Variants in PTPRN2 observed in about 807,000 individuals in gnomAD.
PTPRN2 encodes the protein protein tyrosine phosphatase receptor type N2.
In PTPRN2, 74 loss-of-function variants were observed where a neutral mutation model predicts 118.8. The ratio of observed to expected loss-of-function variants is 0.62; its 90% CI spans 0.52 to 0.76. The LOEUF is 0.76. Ranked by LOEUF, PTPRN2 falls within the 30% of genes least tolerant of loss-of-function variation. PTPRN2 has a pLI of 0.00. For synonymous variants in PTPRN2, 641 were observed against 608.0 expected (o/e 1.05, Z -0.80); for missense variants, 1,481 against 1,394.4 (o/e 1.06, Z -0.99).
At chr7:158,503,390 T>C (rs1822514890) in intron 1 of PTPRN2, among the ~76,000 whole-genome samples, 4 of 152,262 alleles carry the variant, frequency 2.6e-5, no homozygotes, top group Non-Finnish European at 1.5e-5. Context: ...AACAGGTCCT[T>C]GATGTCTTCA....
At chr7:158,564,719 C>T (rs1238329997) in intron 1 of PTPRN2, among the ~76,000 whole-genome samples, 1 of 152,228 alleles carries the variant, frequency 6.6e-6, no homozygotes, top group Non-Finnish European at 1.5e-5. Flanking sequence ...TTCACCCACA[C>T]ATGTTTATTT....
intron 3 of PTPRN2, among the ~76,000 whole-genome samples, chr7:158,277,137 G>A (rs1011875810): frequency 5.3e-5 from 8 of 152,186 alleles, no homozygotes; most frequent in Admixed American, 1.3e-4. Flanking sequence ...GCCCGCACAC[G>A]CACACACGCG....
intron 6 of PTPRN2, among the ~76,000 whole-genome samples, chr7:158,161,327 C>A (rs1391145473): frequency 6.6e-6 from 1 of 152,180 alleles, no homozygotes; most frequent in Non-Finnish European, 1.5e-5. Context: ...GCACTACACC[C>A]ATTGTTACGA....
At chr7:158,295,447 C>T (rs1230276242) in intron 3 of PTPRN2, among the ~76,000 whole-genome samples, 2 of 47,926 alleles carry the variant, frequency 4.2e-5, no homozygotes, top group African/African-American at 8.7e-5. Flanking sequence ...GGTTCACCCA[C>T]CTTTCCGAGG....
intron 12 of PTPRN2, among the ~76,000 whole-genome samples, chr7:157,896,465 G>A (rs1797126607): frequency 6.6e-6 from 1 of 151,486 alleles, no homozygotes; most frequent in Admixed American, 6.6e-5. Context: ...GAGCTCCGTT[G>A]TGAGTGGGGA....
At chr7:158,538,667 C>T (rs1825792215) in intron 1 of PTPRN2, among the ~76,000 whole-genome samples, 1 of 152,184 alleles carries the variant, frequency 6.6e-6, no homozygotes, top group South Asian at 2.1e-4. Context: ...CCTCCACTGC[C>T]TTGAGCCCTT....
rs551076263 is a variant in PTPRN2 at position 157,851,603 on chromosome 7, A to G, written c.1788+47070T>C. 4.6e-5 allele frequency among the ~76,000 whole-genome samples: 7 copies of G among 151,776 alleles called. No individual in the cohort carries two copies. The South Asian group carries it at 1.5e-3, about 31-fold the overall frequency. ...TCCCGAGGGAGGGACTGGCCAGGGC[A>G]CACCCGCCAAGGGCACCTTGTGTCC... On this transcript the variant is annotated intron_variant, in intron 12 of 22. Transcript: ENST00000389418.
At chr7:157,958,848 A>C (rs921154257) in intron 11 of PTPRN2, among the ~76,000 whole-genome samples, 13 of 152,250 alleles carry the variant, frequency 8.5e-5, no homozygotes, top group Non-Finnish European at 1.5e-4. Flanking sequence ...TACAGATTCA[A>C]CATAATCTCT....
chr7:157,982,744 G>T (rs1803385242), intron 11 of PTPRN2, among the ~76,000 whole-genome samples: 1 of 130,086 alleles, frequency 7.7e-6, no homozygotes. Flanking sequence ...CAGAGACGAG[G>T]AGGGGAATGC....
intron 14 of PTPRN2, among the ~76,000 whole-genome samples, chr7:157,636,685 G>C (rs1427913400): frequency 6.6e-6 from 1 of 152,198 alleles, no homozygotes; most frequent in Non-Finnish European, 1.5e-5. Flanking sequence ...ACCAGGATCT[G>C]CGGTCATCAC....
rs1015202354 is a variant in PTPRN2, at chr7:158,438,220, A to T, written c.163+51515T>A. On this transcript the variant is annotated intron_variant, in intron 2 of 22. Transcript: ENST00000389418. The surrounding 1 kb of genome is among the most constrained non-coding windows in gnomAD (Gnocchi z 4.7). ...TGGTGAAACCCCGTCTCTACTAAAA[A>T]TACAAAAATTAGCCAGGCGTGGTGG... Among the ~76,000 whole-genome samples, 6 of 152,192 alleles carry T rather than the reference A, an allele frequency of 3.9e-5. No homozygotes were observed. Among genetic ancestry groups the T allele is most frequent in the African/African-American group, 1.4e-4 (6 of 41,452 alleles).
chr7:158,330,002 C>T (rs1371359751), intron 2 of PTPRN2, among the ~76,000 whole-genome samples: 3 of 151,514 alleles, frequency 2.0e-5, no homozygotes, highest in South Asian at 4.2e-4. Flanking sequence ...CCGCAGACGA[C>T]ACTCACACCC....
At chr7:157,960,614 A>G (rs767706599) in intron 11 of PTPRN2, among the ~76,000 whole-genome samples, 1 of 152,268 alleles carries the variant, frequency 6.6e-6, no homozygotes, top group Non-Finnish European at 1.5e-5. Flanking sequence ...ATATATTTTC[A>G]TGGATGAAAA....
At chr7:157,625,819 G>A (rs184825277) in intron 14 of PTPRN2, among the ~76,000 whole-genome samples, 5 of 152,198 alleles carry the variant, frequency 3.3e-5, no homozygotes, top group African/African-American at 1.2e-4. Context: ...GTGTGGTGGT[G>A]GGACGGCTTA....
At chr7:157,925,146 C>A (rs1352087767) in intron 11 of PTPRN2, among the ~76,000 whole-genome samples, 5 of 137,336 alleles carry the variant, frequency 3.6e-5, no homozygotes, top group Admixed American at 7.0e-5. Flanking sequence ...CTGCATTTAG[C>A]ACGTCAGGCA....
At chr7:158,263,144 C>T (rs1797640656) in intron 3 of PTPRN2, among the ~76,000 whole-genome samples, 1 of 143,152 alleles carries the variant, frequency 7.0e-6, no homozygotes, top group Non-Finnish European at 1.6e-5. Flanking sequence ...CACACATTCA[C>T]ACACTGCACA....
At chr7:158,080,799 A>C (rs1812762764) in intron 11 of PTPRN2, among the ~76,000 whole-genome samples, 2 of 152,150 alleles carry the variant, frequency 1.3e-5, no homozygotes, top group Non-Finnish European at 2.9e-5. Flanking sequence ...AACCGTCTGG[A>C]AGTCGGCCGG....
At chr7:157,952,386 GTA>G (rs1800877720) in intron 11 of PTPRN2, among the ~76,000 whole-genome samples, 1 of 131,798 alleles carries the variant, frequency 7.6e-6, no homozygotes, top group South Asian at 2.5e-4. Context: ...GCAAGGGTGG[GTA>G]GTGTGCATCC....
chr7:157,542,794 G>A (rs984639631), intron 22 of PTPRN2, among the ~76,000 whole-genome samples: 1 of 152,224 alleles, frequency 6.6e-6, no homozygotes, highest in Non-Finnish European at 1.5e-5. Flanking sequence ...GCTGGTGTGT[G>A]CCGTGCACCT....
Sources: gnomAD v4.1 joint callset for allele counts (sites outside exome capture counted in the v4.1 genomes callset) on GRCh38, gnomAD v4.1.1 for gene constraint, Gnocchi (gnomAD v3.1) non-coding constraint, MANE v1.5 for transcripts, NCBI Gene and HGNC (gene_info 2026-07-23, HGNC 2026-07-21) for gene names.